SOHLH1: variants seen among roughly 807,000 people sequenced by gnomAD.
SOHLH1 encodes the protein spermatogenesis- and oogenesis-specific basic helix-loop-helix-containing protein 1.
A neutral mutation model predicts 36.2 loss-of-function variants in SOHLH1; 23 were observed. The ratio of observed to expected loss-of-function variants is 0.64; its 90% CI spans 0.46 to 0.90. SOHLH1 has a LOEUF of 0.90. SOHLH1 is among the 40% of genes least tolerant of loss of function. The pLI is 0.00. For missense variants in SOHLH1, 608 were observed against 517.0 expected (o/e 1.18, Z -1.71); for synonymous variants, 289 against 228.3 (o/e 1.27, Z -2.40).
chr9:135,697,764 G>C, intron 3 of SOHLH1, 137 bp from the exon 4 acceptor site: 1 of 1,060,368 alleles, frequency 9.4e-7, no homozygotes, highest in Non-Finnish European at 1.4e-6. Flanking sequence ...GGGGGCGAGA[G>C]TACAGGTTGA....
chr9:135,698,612 C>T (rs1834905490), intron 2 of SOHLH1, 136 bp from the exon 3 acceptor site: 1 of 1,305,348 alleles, frequency 7.7e-7, no homozygotes, highest in Non-Finnish European at 1.1e-6. Flanking sequence ...CAGAGCTGCC[C>T]CCGTGGTCTG....
upstream of SOHLH1, among the ~76,000 whole-genome samples, chr9:135,699,984 A>C (rs1834976588): frequency 6.6e-6 from 1 of 151,428 alleles, no homozygotes; most frequent in Admixed American, 6.6e-5. Context: ...TTTTCCCCCA[A>C]ATCTAGTACG....
At position 135,699,105 on chromosome 9, in the gene SOHLH1, G is replaced by C; in HGVS notation, c.87C>G (p.Leu29=). The change falls in exon 2 of 8, where the codon CTC becomes CTG. Residue 29 remains leucine (L), a synonymous_variant. Transcript: ENST00000425225. ...RGCNGSLSGA[L]SCCEDSARGS... ...CCCGGGCCGAGTCCTCGCAGCAGGAGAGGGCACCAGACAGGGAGCCGCTGC... is the reference window on the plus strand; with the variant it reads ...CCCGGGCCGAGTCCTCGCAGCAGGACAGGGCACCAGACAGGGAGCCGCTGC... The C allele has an allele frequency of 6.2e-7, 1 of 1,606,168 alleles. No individual in the cohort carries two copies. The highest frequency in any genetic ancestry group is 2.2e-5 in the East Asian group (1 of 44,458).
rs1211896784 is a variant in SOHLH1 at position 135,695,099 on chromosome 9, G to A, written c.826C>T (p.Pro276Ser). 13 of 1,598,618 alleles carry A rather than the reference G, an allele frequency of 8.1e-6. No individual in the cohort carries two copies. The highest frequency in any genetic ancestry group is 1.1e-5 in the Non-Finnish European group (13 of 1,174,996). The part of the protein sequence containing the change: ...QAGPLAMGAA[P>S]LGEPAKEDPM... ...TCCTCCTTGGCTGGCTCCCCCAGAGGTGCAGCCCCCATGGCCAGGGGCCCA... is the reference window on the plus strand; with the variant it reads ...TCCTCCTTGGCTGGCTCCCCCAGAGATGCAGCCCCCATGGCCAGGGGCCCA... The change falls in exon 6 of 8, where the codon CCT becomes TCT. Residue 276 changes from proline to serine, a missense_variant. Pro to Ser is a moderately conservative substitution (Grantham distance 74). Transcript: ENST00000425225.
At chr9:135,696,412 C>T (rs1310763657) in intron 5 of SOHLH1, among the ~76,000 whole-genome samples, 200 bp downstream of exon 5, 3 of 152,180 alleles carry the variant, frequency 2.0e-5, no homozygotes, top group Non-Finnish European at 2.9e-5. Context: ...GAGCACACGT[C>T]CTCCTTTTCA....
intron 7 of SOHLH1, 194 bp from the exon 8 acceptor site, chr9:135,694,008 C>T (rs1395254253): frequency 2.8e-6 from 4 of 1,428,170 alleles, no homozygotes; most frequent in Non-Finnish European, 3.7e-6. Context: ...TGGACCAGAA[C>T]CAGGAACGGG....
At chr9:135,700,841 C>A (rs1588237493), upstream of SOHLH1, among the ~76,000 whole-genome samples, 1 of 152,150 alleles carries the variant, frequency 6.6e-6, no homozygotes, top group South Asian at 2.1e-4. Flanking sequence ...TGCCCCTGGC[C>A]AGGGAGGGAT....
rs1011122222 is a variant in SOHLH1, at chr9:135,697,213, A to C, written c.467+293T>G. Among the ~76,000 whole-genome samples, 5 of 152,188 alleles carry C rather than the reference A, an allele frequency of 3.3e-5. No individual in the cohort carries two copies. The East Asian group carries it at 9.7e-4, about 29-fold the overall frequency. ...GGAGGAGTATGACACCTCACTGACC[A>C]CCTGTAAATTCCCCACACACAGGAG... On this transcript the variant is annotated intron_variant, in intron 4 of 7. Transcript: ENST00000425225.
intron 6 of SOHLH1, 88 bp downstream of exon 6, chr9:135,694,962 C>T: frequency 1.4e-6 from 2 of 1,389,030 alleles, no homozygotes; most frequent in Admixed American, 2.0e-5. Context: ...GAAAGTGGGC[C>T]CAAGCAGGAC....
rs1292509009 is a variant in SOHLH1, at chr9:135,697,615, A to C, written c.358T>G (p.Ser120Ala). 1.2e-6 allele frequency: 2 copies of C among 1,611,828 alleles called. No individual in the cohort carries two copies. The highest frequency in any genetic ancestry group is 1.1e-5 in the South Asian group (1 of 91,018). The part of the protein sequence containing the change: ...SQEQHAILAS[S>A]KEMWHSLQED... The stretch of plus-strand genomic sequence containing the variant: ...TGCAACGAGTGCCACATTTCCTTGG[A>C]GGAAGCAAGAATCTGAAATTTAAGT... The change falls in exon 4 of 8, where the codon TCC becomes GCC. Residue 120 changes from serine to alanine, a missense_variant. By Grantham distance (99) the Ser-to-Ala change is moderately conservative. Transcript: ENST00000425225.
intron 5 of SOHLH1, 50 bp from the exon 6 acceptor site, chr9:135,695,313 G>C: frequency 6.5e-7 from 1 of 1,538,238 alleles, no homozygotes; most frequent in South Asian, 1.2e-5. Context: ...AGCCCCACAG[G>C]CTGCCCCCGA....
Position 135,696,665 on chromosome 9 carries a change from C to T in SOHLH1, c.608G>A (p.Cys203Tyr), listed in dbSNP as rs770487831. 7.4e-6 allele frequency: 12 copies of T among 1,612,960 alleles called. No individual in the cohort carries two copies. The highest frequency in any genetic ancestry group is 1.0e-5 in the Non-Finnish European group (12 of 1,179,912). Residue 203 changes from cysteine (C) to tyrosine (Y), a missense_variant, in exon 5 of 8, where the codon TGT becomes TAT. Transcript: ENST00000425225. ...CTGGCACAGCCCCAACAGTGCCTCA[C>T]ACTTGTCCGTGCCCAGGGACGTGCA... ...ASCTSLGTDK[C>Y]EALLGLCQVR...
Position 135,693,429 on chromosome 9 carries a change from G to T in SOHLH1, c.*168C>A, listed in dbSNP as rs533701087. 7.1e-6 allele frequency: 7 copies of T among 992,124 alleles called. No individual in the cohort carries two copies. The African/African-American group carries it at 9.8e-5, about 14-fold the overall frequency. 61.5% of individuals were successfully genotyped at this position (992,124 alleles called of 1,614,324 possible). On this transcript the variant is annotated 3_prime_UTR_variant, in exon 8 of 8. Coordinates refer to ENST00000425225, the MANE Select transcript of SOHLH1 (RefSeq NM_001101677.2). ...AGGTTTTGCTTCCTCCAGGAAAACTGCTTTCCCTCTTTAATATTCACTATC... is the reference window on the plus strand; with the variant it reads ...AGGTTTTGCTTCCTCCAGGAAAACTTCTTTCCCTCTTTAATATTCACTATC...
chr9:135,698,016 G>A (rs1364185058), intron 3 of SOHLH1, among the ~76,000 whole-genome samples: 5 of 152,110 alleles, frequency 3.3e-5, no homozygotes, highest in African/African-American at 1.2e-4. Context: ...GGGGTGCTCA[G>A]CCAGGGAGGA....
Position 135,693,536 on chromosome 9 carries a change from C to T in SOHLH1, c.*61G>A, listed in dbSNP as rs1834672158. 3 of 1,504,770 alleles carry T rather than the reference C, an allele frequency of 2.0e-6. No individual in the cohort carries two copies. The highest frequency in any genetic ancestry group is 2.7e-6 in the Non-Finnish European group (3 of 1,119,174). 93.2% of individuals were successfully genotyped at this position (1,504,770 alleles called of 1,614,324 possible). A position where few individuals can be genotyped will look rare whatever the true frequency, so the allele number is the denominator to read the frequency against. The stretch of plus-strand genomic sequence containing the variant: ...CAAAATAAAATGCCCAAGCACGCGA[C>T]AGGGACACACACGGCTCCAGATCCA... On this transcript the variant is annotated 3_prime_UTR_variant, in exon 8 of 8. Coordinates refer to ENST00000425225, the MANE Select transcript of SOHLH1 (RefSeq NM_001101677.2).
Position 135,695,155 on chromosome 9 carries a change from C to T in SOHLH1, c.770G>A (p.Ser257Asn), listed in dbSNP as rs371104276. 6.2e-7 allele frequency: 1 copy of T among 1,601,922 alleles called. No individual in the cohort carries two copies. Among genetic ancestry groups the T allele is most frequent in the Non-Finnish European group, 8.5e-7 (1 of 1,176,082 alleles). The change falls in exon 6 of 8, where the codon AGC becomes AAC. Residue 257 changes from serine (S) to asparagine (N), a missense_variant. Physicochemically the swap from Ser to Asn is conservative, Grantham distance 46. Coordinates refer to ENST00000425225, the MANE Select transcript of SOHLH1 (RefSeq NM_001101677.2). ...FSQQQTLPVM[S>N]GEALGWLGQA... ...GCCCAGCCAGCCAAGGGCCTCCCCG[C>T]TCATCACGGGCAAGGTCTGCTGCTG...
In SOHLH1 at chr9:135,698,359, G is replaced by A. The variant is rs145506287; in HGVS notation, c.315C>T (p.Ser105=). ...EMSVQFLRLA[S]ALGPSQEQHA... ...GCTGCTCCTGACTGGGCCCCAGGGCGCTGGCAAGCCGCAGGAACTGCACAG... is the reference window on the plus strand; with the variant it reads ...GCTGCTCCTGACTGGGCCCCAGGGCACTGGCAAGCCGCAGGAACTGCACAG... The change falls in exon 3 of 8, where the codon AGC becomes AGT. Residue 105 remains serine, a synonymous_variant. Coordinates refer to ENST00000425225, the MANE Select transcript of SOHLH1 (RefSeq NM_001101677.2). 4.3e-4 allele frequency: 698 copies of A among 1,613,022 alleles called. 3 individuals carry two copies. In the African/African-American group the frequency reaches 7.2e-3, roughly 17 times the overall value.
rs146469849 is a variant in SOHLH1, at chr9:135,694,529, C to T, written c.876-72G>A. On this transcript the variant is annotated intron_variant, in intron 6 of 7. Coordinates refer to ENST00000425225, the MANE Select transcript of SOHLH1 (RefSeq NM_001101677.2). Reference sequence around the variant, plus strand: ...CTTGGAGCTCAAGGAAACATTTGGGCCCAAGTCCTGCAAAGGCAGCTTCGA... The same window carrying T: ...CTTGGAGCTCAAGGAAACATTTGGGTCCAAGTCCTGCAAAGGCAGCTTCGA... 11,162 of 1,580,612 alleles carry T rather than the reference C, an allele frequency of 7.1e-3. 83 individuals carry two copies. The highest frequency in any genetic ancestry group is 0.03 in the Middle Eastern group (183 of 6,020).
chr9:135,696,597 A>G lies in SOHLH1; in HGVS notation c.661+15T>C. The G allele has an allele frequency of 6.2e-7, 1 of 1,611,464 alleles. No homozygotes were observed. The highest frequency in any genetic ancestry group is 8.5e-7 in the Non-Finnish European group (1 of 1,179,528). On this transcript the variant is annotated intron_variant, in intron 5 of 7. Coordinates refer to ENST00000425225, the MANE Select transcript of SOHLH1 (RefSeq NM_001101677.2). ...CCCAGGCCAAAGGCACCCCACATGC[A>G]CACCCAGGACTCACCTGAGAAAGGG... is the stretch of plus-strand genomic sequence containing the variant.
Sources: allele counts gnomAD v4.1 joint callset (sites outside exome capture counted in the v4.1 genomes callset), GRCh38; gene constraint gnomAD v4.1.1; transcripts MANE v1.5; gene names NCBI Gene and HGNC (gene_info 2026-07-23, HGNC 2026-07-21).